Variants in MAD1L1 observed in about 807,000 individuals in gnomAD.
The protein encoded by MAD1L1 is mitotic spindle assembly checkpoint protein MAD1.
In MAD1L1, 95 loss-of-function variants were observed where a neutral mutation model predicts 96.9. The ratio of observed to expected loss-of-function variants is 0.98; its 90% CI spans 0.83 to 1.16. The LOEUF is 1.16. Among genes scored for constraint, MAD1L1 ranks in the 50% most tolerant of loss-of-function variants. The pLI is 0.00. For missense variants in MAD1L1, 1,007 were observed against 954.4 expected (o/e 1.06, Z -0.73); for synonymous variants, 473 against 396.6 (o/e 1.19, Z -2.29).
chr7:2,113,515 G>A (rs1787493269), intron 11 of MAD1L1, among the ~76,000 whole-genome samples: 1 of 152,188 alleles, frequency 6.6e-6, no homozygotes, highest in Non-Finnish European at 1.5e-5. Flanking sequence ...GGGAAGCAGA[G>A]GTTGCAGTGA....
At chr7:1,898,964 C>T (rs1214212929) in intron 17 of MAD1L1, among the ~76,000 whole-genome samples, 2 of 152,222 alleles carry the variant, frequency 1.3e-5, no homozygotes, top group African/African-American at 4.8e-5. Context: ...GAGCCAGCAC[C>T]GACAAACAGG....
intron 17 of MAD1L1, among the ~76,000 whole-genome samples, chr7:1,916,549 ACG>A (rs1051117977): frequency 1.3e-5 from 2 of 152,162 alleles, no homozygotes; most frequent in African/African-American, 4.8e-5. Flanking sequence ...GCGGGGACAC[ACG>A]CCCAGCAGAC....
In MAD1L1 at chr7:2,001,020, G is replaced by A. The variant is rs182164536; in HGVS notation, c.1416+1045C>T. 4.7e-4 allele frequency among the ~76,000 whole-genome samples: 71 copies of A among 152,288 alleles called. 1 individual carries two copies. The highest frequency in any genetic ancestry group is 7.2e-4 in the Non-Finnish European group (49 of 68,026). Reference sequence around the variant, plus strand: ...ATGAGAAGGGCCTGTAACCATGGCCGCACCCACAACCGCCACAGGCTGTGC... The same window carrying A: ...ATGAGAAGGGCCTGTAACCATGGCCACACCCACAACCGCCACAGGCTGTGC... On this transcript the variant is annotated intron_variant, in intron 14 of 18. Transcript: ENST00000265854.
chr7:2,215,062 T>A (rs1793189196), intron 9 of MAD1L1, among the ~76,000 whole-genome samples: 1 of 151,550 alleles, frequency 6.6e-6, no homozygotes, highest in African/African-American at 2.4e-5. Context: ...GGAGACCCCA[T>A]CTCTACAAAA....
At chr7:1,963,899 G>T (rs1377177749) in intron 15 of MAD1L1, among the ~76,000 whole-genome samples, 1 of 152,248 alleles carries the variant, frequency 6.6e-6, no homozygotes, top group Non-Finnish European at 1.5e-5. Flanking sequence ...TGGCCGTGCA[G>T]TGTGAGACCT....
At chr7:1,889,849 G>A (rs1414243437) in intron 18 of MAD1L1, among the ~76,000 whole-genome samples, 1 of 152,200 alleles carries the variant, frequency 6.6e-6, no homozygotes. Flanking sequence ...CACCCAGGCA[G>A]AGGCCCAGCC....
At chr7:2,194,548 C>T (rs1791889355) in intron 10 of MAD1L1, among the ~76,000 whole-genome samples, 1 of 152,190 alleles carries the variant, frequency 6.6e-6, no homozygotes, top group Non-Finnish European at 1.5e-5. Context: ...GCTAATCACC[C>T]TATTCTGGGC....
chr7:1,946,211 C>T (rs1225906228), intron 16 of MAD1L1, among the ~76,000 whole-genome samples: 1 of 152,204 alleles, frequency 6.6e-6, no homozygotes, highest in Non-Finnish European at 1.5e-5. Context: ...CTCACAGAAC[C>T]CACCTCTAGC....
chr7:2,085,161 A>G (rs1243489462), intron 11 of MAD1L1, among the ~76,000 whole-genome samples: 1 of 152,250 alleles, frequency 6.6e-6, no homozygotes, highest in East Asian at 1.9e-4. Context: ...CACGGGTCTC[A>G]GAACCGTAAC....
chr7:2,016,199 C>A (rs1782531420), intron 12 of MAD1L1, among the ~76,000 whole-genome samples: 1 of 152,212 alleles, frequency 6.6e-6, no homozygotes, highest in Non-Finnish European at 1.5e-5. Context: ...GCGGTCTCCA[C>A]TGGCCCACAC....
At position 2,129,847 on chromosome 7, in the gene MAD1L1, C is replaced by T. The variant is rs1026976109; in HGVS notation, c.1073+19305G>A. ...GGAAGGTGCACAACACAGCCACCAC[C>T]GTCGGAGGGGCACACAGGCAGGCAG... On this transcript the variant is annotated intron_variant, in intron 11 of 18. Transcript: ENST00000265854. 2.6e-5 allele frequency among the ~76,000 whole-genome samples: 4 copies of T among 152,240 alleles called. No homozygotes were observed. In the East Asian group the frequency reaches 5.8e-4, roughly 22 times the overall value.
At chr7:2,161,499 G>A (rs190725359) in intron 10 of MAD1L1, among the ~76,000 whole-genome samples, 2,751 of 152,214 alleles carry the variant, frequency 0.018, 36 homozygotes, top group Non-Finnish European at 0.03. Flanking sequence ...CCAAAGTGCC[G>A]AGATTGCAGC....
At chr7:1,873,754 C>G (rs983238838) in intron 18 of MAD1L1, among the ~76,000 whole-genome samples, 6 of 151,896 alleles carry the variant, frequency 4.0e-5, no homozygotes, top group Admixed American at 2.0e-4. Flanking sequence ...GATGGACACC[C>G]CCACCGAAGC....
chr7:2,140,897 T>A (rs1178348632), intron 11 of MAD1L1, among the ~76,000 whole-genome samples: 1 of 152,248 alleles, frequency 6.6e-6, no homozygotes, highest in Non-Finnish European at 1.5e-5. Context: ...TTTCATCCAC[T>A]TCCACATCCC....
intron 18 of MAD1L1, among the ~76,000 whole-genome samples, chr7:1,843,422 G>C (rs954171601): frequency 6.6e-6 from 1 of 152,172 alleles, no homozygotes; most frequent in Admixed American, 6.5e-5. Flanking sequence ...CCCAGGTGCG[G>C]TGTAGACCTC....
chr7:2,145,976 G>T (rs976094458), intron 11 of MAD1L1, among the ~76,000 whole-genome samples: 2 of 152,230 alleles, frequency 1.3e-5, no homozygotes, highest in Admixed American at 1.3e-4. Flanking sequence ...ACTGTGGGAA[G>T]GGCGCTCTGT....
At chr7:1,962,689 A>G (rs1780001839) in intron 15 of MAD1L1, among the ~76,000 whole-genome samples, 4 of 152,260 alleles carry the variant, frequency 2.6e-5, no homozygotes, top group Admixed American at 2.0e-4. Flanking sequence ...AGTGAGCTGA[A>G]TGAAAAGATG....
chr7:1,990,142 G>A (rs1025385548), intron 14 of MAD1L1, among the ~76,000 whole-genome samples: 2 of 152,222 alleles, frequency 1.3e-5, no homozygotes, highest in Admixed American at 1.3e-4. Flanking sequence ...AACTCACGTG[G>A]CATCGCTGAG....
At chr7:1,842,107 T>C (rs567767527) in intron 18 of MAD1L1, among the ~76,000 whole-genome samples, 1 of 152,346 alleles carries the variant, frequency 6.6e-6, no homozygotes, top group South Asian at 2.1e-4. Context: ...TTTTTTTTCT[T>C]AATTAGTACT....
Sources: allele counts gnomAD v4.1 joint callset (sites outside exome capture counted in the v4.1 genomes callset), GRCh38; gene constraint gnomAD v4.1.1; transcripts MANE v1.5; gene names NCBI Gene and HGNC (gene_info 2026-07-23, HGNC 2026-07-21).